POU6F1: variants seen among roughly 807,000 people sequenced by gnomAD.
The protein encoded by POU6F1 is POU domain, class 6, transcription factor 1.
A neutral mutation model predicts 28.9 loss-of-function variants in POU6F1; 9 were observed. The ratio of observed to expected loss-of-function variants is 0.31; its 90% CI spans 0.19 to 0.54. The LOEUF is 0.54. Ranked by LOEUF, POU6F1 falls within the 20% of genes least tolerant of loss-of-function variation. POU6F1 has a pLI of 0.94. For missense variants in POU6F1, 338 were observed against 426.1 expected (o/e 0.79, Z 1.82); for synonymous variants, 173 against 171.1 (o/e 1.01, Z -0.09).
Position 51,192,289 on chromosome 12 carries a change from C to T in POU6F1, c.1321+41G>A, listed in dbSNP as rs1402039331. 5.6e-6 allele frequency: 9 copies of T among 1,604,552 alleles called. No homozygotes were observed. The South Asian group carries it at 1.0e-4, about 18-fold the overall frequency. Reference sequence around the variant, plus strand: ...AAGAGATTGGGTGCCCACATAAATGCCTCCCCACTTCTCCACACTACTTCT... The same window carrying T: ...AAGAGATTGGGTGCCCACATAAATGTCTCCCCACTTCTCCACACTACTTCT... On this transcript the variant is annotated intron_variant, in intron 9 of 10. Coordinates refer to ENST00000333640, the MANE Select transcript of POU6F1 (RefSeq NM_001330422.2).
chr12:51,215,576 A>AG (rs1339484629), intron 1 of POU6F1, among the ~76,000 whole-genome samples: 40 of 151,000 alleles, frequency 2.6e-4, no homozygotes, highest in East Asian at 9.7e-4. Context: ...AAAAAAAAAA[A>AG]AGAGAGATTT....
chr12:51,191,651 C>A lies in POU6F1; in HGVS notation c.1435G>T (p.Gly479Cys). 6.2e-7 allele frequency: 1 copy of A among 1,614,114 alleles called. No individual in the cohort carries two copies. Among genetic ancestry groups the A allele is most frequent in the Middle Eastern group, 1.7e-4 (1 of 6,030 alleles). ...CCTTCCGTTGCAGTCAGAGCCTGAC[C>A]CACCTGGGTCTGTGTAAGGCCCAGC... ...LSLGLTQTQV[G>C]QALTATEGPA... is the part of the protein sequence containing the mutation. Residue 479 changes from glycine (G) to cysteine (C), a missense_variant, in exon 10 of 11, where the codon GGT becomes TGT. Gly to Cys is a radical substitution (Grantham distance 159). Around this residue, in one of 3 missense-constraint regions of POU6F1, gnomAD observed 126 missense variants for 176.5 expected, o/e 0.71. Transcript: ENST00000333640.
At position 51,199,453 on chromosome 12, in the gene POU6F1, T is replaced by C. The variant is rs1565614639; in HGVS notation, c.366+294A>G. On this transcript the variant is annotated intron_variant, in intron 4 of 10. Coordinates refer to ENST00000333640, the MANE Select transcript of POU6F1 (RefSeq NM_001330422.2). The surrounding 1 kb of genome is among the most constrained non-coding windows in gnomAD (Gnocchi z 4.1). ...GGGCCGGCAAGGGTATTCATTCATT[T>C]AGTCATTTGATAAACAGAAACTCTG... is the stretch of plus-strand genomic sequence containing the variant. Among the ~76,000 whole-genome samples the C allele has an allele frequency of 6.6e-6, 1 of 152,230 alleles. No homozygotes were observed. Among genetic ancestry groups the C allele is most frequent in the Non-Finnish European group, 1.5e-5 (1 of 68,032 alleles).
At chr12:51,211,588 G>GA in intron 1 of POU6F1, among the ~76,000 whole-genome samples, 1 of 151,996 alleles carries the variant, frequency 6.6e-6, no homozygotes, top group Non-Finnish European at 1.5e-5. Context: ...ACAAAAAATT[G>GA]AAAAAATAAA....
At chr12:51,192,184 G>C (rs1287729478) in intron 9 of POU6F1, 146 bp downstream of exon 9, 1 of 1,206,380 alleles carries the variant, frequency 8.3e-7, no homozygotes, top group Non-Finnish European at 1.2e-6. Context: ...AACAGGAATG[G>C]GAATAAAAAA....
chr12:51,196,944 A>T lies in POU6F1; in HGVS notation c.847-17T>A. On this transcript the variant is annotated splice_polypyrimidine_tract_variant and intron_variant, in intron 6 of 10. Transcript: ENST00000333640. ...AGCACTGATCTGTGGGTGGAGGAAG[A>T]GCCTTGCTCAGAAGCCAAGGGGTGA... 1.3e-6 allele frequency: 2 copies of T among 1,483,110 alleles called. No homozygotes were observed. The highest frequency in any genetic ancestry group is 1.2e-5 in the South Asian group (1 of 85,438). The allele number at this position is 1,483,110 out of a possible 1,614,324, so 91.9% of individuals were successfully genotyped here.
rs931442074 is a variant in POU6F1, at chr12:51,190,076, A to G, written c.*171T>C. On this transcript the variant is annotated 3_prime_UTR_variant, in exon 11 of 11. Transcript: ENST00000333640. This position sits in a 1 kb window ranked among gnomAD's most constrained non-coding sequence, Gnocchi z 4.5. ...CCCTCTGGCCTCCCCATGATGTGAG[A>G]TGTGTGGGAGAAAAGAGGGACATTG... 9.5e-5 allele frequency: 117 copies of G among 1,229,556 alleles called. No homozygotes were observed. Among genetic ancestry groups the G allele is most frequent in the Middle Eastern group, 2.8e-4 (1 of 3,512 alleles). The allele number at this position is 1,229,556 out of a possible 1,614,324, so 76.2% of individuals were successfully genotyped here.
chr12:51,210,633 T>C (rs1218018644), intron 1 of POU6F1, among the ~76,000 whole-genome samples: 1 of 152,210 alleles, frequency 6.6e-6, no homozygotes, highest in Non-Finnish European at 1.5e-5. Context: ...TGGGTGATTC[T>C]GATATCCCTT....
At chr12:51,198,954 G>C (rs957070283) in intron 4 of POU6F1, among the ~76,000 whole-genome samples, 179 bp from the exon 5 acceptor site, 1 of 152,226 alleles carries the variant, frequency 6.6e-6, no homozygotes, top group African/African-American at 2.4e-5. Context: ...CAAACCTGAG[G>C]GGGTGCCTGG....
chr12:51,192,528 A>C, intron 8 of POU6F1, 57 bp from the exon 9 acceptor site: 2 of 1,589,272 alleles, frequency 1.3e-6, no homozygotes, highest in South Asian at 2.3e-5. Flanking sequence ...AGGGAGTTAA[A>C]ATCCCTGGGT....
chr12:51,215,984 C>A (rs1388652644), intron 1 of POU6F1, among the ~76,000 whole-genome samples: 1 of 152,118 alleles, frequency 6.6e-6, no homozygotes, highest in Non-Finnish European at 1.5e-5. Context: ...TGAAGTAAAG[C>A]ATGCATATAA....
At chr12:51,212,201 C>T (rs982133924) in intron 1 of POU6F1, among the ~76,000 whole-genome samples, 3 of 151,956 alleles carry the variant, frequency 2.0e-5, no homozygotes, top group African/African-American at 4.8e-5. Flanking sequence ...TCAGGTGATT[C>T]TCCTGCCTCA....
At chr12:51,205,201 G>A (rs1592180073) in intron 2 of POU6F1, among the ~76,000 whole-genome samples, 1 of 151,844 alleles carries the variant, frequency 6.6e-6, no homozygotes, top group Non-Finnish European at 1.5e-5. Flanking sequence ...CACCACGCCC[G>A]GCTAATTTTT....
chr12:51,192,505 C>T (rs747833360), intron 8 of POU6F1, 34 bp from the exon 9 acceptor site: 2 of 1,602,550 alleles, frequency 1.2e-6, no homozygotes, highest in Admixed American at 3.4e-5. Context: ...CTTTGCTGCC[C>T]TCTGCCAGGC....
chr12:51,190,518 G>A lies in POU6F1; in HGVS notation c.1565C>T (p.Ala522Val). 1 of 1,614,178 alleles carries A rather than the reference G, an allele frequency of 6.2e-7. No individual in the cohort carries two copies. Among genetic ancestry groups the A allele is most frequent in the South Asian group, 1.1e-5 (1 of 91,078 alleles). Residue 522 changes from alanine to valine, a missense_variant, in exon 11 of 11, where the codon GCT becomes GTT. Coordinates refer to ENST00000333640, the MANE Select transcript of POU6F1 (RefSeq NM_001330422.2). The surrounding 1 kb of genome is among the most constrained non-coding windows in gnomAD (Gnocchi z 4.5). The stretch of plus-strand genomic sequence containing the variant: ...CTGGCCTTCCTGGTTCCGCAGTTCA[G>A]CTTCGTTTAGCCACTTTTCCAGCAC... ...KPVLEKWLNEAELRNQEGQQN... is the reference protein window; with the variant it reads ...KPVLEKWLNEVELRNQEGQQN...
At chr12:51,207,116 C>T (rs569711360) in intron 1 of POU6F1, 2 of 243,254 alleles carry the variant, frequency 8.2e-6, no homozygotes, top group Non-Finnish European at 1.6e-5. Context: ...CTCTGCCCCT[C>T]GGGTTAAACC....
chr12:51,194,538 G>T (rs1024562967), intron 8 of POU6F1, among the ~76,000 whole-genome samples: 1 of 151,840 alleles, frequency 6.6e-6, no homozygotes. Flanking sequence ...CTACCGGGGA[G>T]GCTGAAGTGG....
intron 4 of POU6F1, 51 bp from the exon 5 acceptor site, chr12:51,198,826 C>G: frequency 2.5e-6 from 1 of 398,644 alleles, no homozygotes; most frequent in Non-Finnish European, 4.4e-6. Flanking sequence ...AAAAAATCAA[C>G]ATTGACAGCG....
In POU6F1 at chr12:51,197,080, ACCGG is replaced by A. The variant is rs1250467659; in HGVS notation, c.847-157_847-154del. 4.3e-4 allele frequency: 224 copies of A among 516,714 alleles called. 1 individual carries two copies. The highest frequency in any genetic ancestry group is 4.1e-3 in the African/African-American group (206 of 49,872). The allele number at this position is 516,714 out of a possible 1,614,324, so 32.0% of individuals were successfully genotyped here. ...GGATGGTTTCCAGGGCTAGGGGTCT[ACCGG>A]CTGGATGGTTTCCAGGGCTAGGGGT... On this transcript the variant is annotated intron_variant, in intron 6 of 10. Transcript: ENST00000333640.
Sources: gnomAD v4.1 joint callset for allele counts (sites outside exome capture counted in the v4.1 genomes callset) on GRCh38, gnomAD v4.1.1 for gene constraint, gnomAD v4.1.1 regional missense constraint, Gnocchi (gnomAD v3.1) non-coding constraint, MANE v1.5 for transcripts, NCBI Gene and HGNC (gene_info 2026-07-23, HGNC 2026-07-21) for gene names.